Variants in SNX29 observed in about 807,000 individuals in gnomAD.
SNX29 encodes the protein sorting nexin 29.
SNX29 carries 78 observed loss-of-function variants against 102.1 expected under a neutral mutation model. That is an observed-to-expected ratio of 0.76 (90% CI 0.64 to 0.92). SNX29 has a LOEUF of 0.92. Among genes scored for constraint, SNX29 ranks in the 40% least tolerant of loss-of-function variants. The pLI is 0.00. For synonymous variants in SNX29, 580 were observed against 414.5 expected, an observed-to-expected ratio of 1.40 and a Z score of -4.85; for missense variants, 1,280 against 1,061.7, an observed-to-expected ratio of 1.21 and a Z score of -2.86.
intron 15 of SNX29, among the ~76,000 whole-genome samples, chr16:12,298,389 A>G (rs531971798): frequency 6.6e-6 from 1 of 152,266 alleles, no homozygotes; most frequent in Admixed American, 6.5e-5. Flanking sequence ...ACCTTCTTCA[A>G]GGTTTCATAC....
chr16:12,053,917 A>G (rs558748219), intron 8 of SNX29, among the ~76,000 whole-genome samples: 1 of 152,314 alleles, frequency 6.6e-6, no homozygotes, highest in South Asian at 2.1e-4. Context: ...GCCATTGGCT[A>G]AATTGAGATT....
intron 13 of SNX29, among the ~76,000 whole-genome samples, chr16:12,159,645 A>G (rs193281192): frequency 1.5e-3 from 222 of 152,328 alleles, no homozygotes; most frequent in African/African-American, 4.6e-3. Flanking sequence ...GAATCACTTG[A>G]GCCCAGAAGT....
chr16:12,441,516 T>C (rs1334283882), intron 18 of SNX29, among the ~76,000 whole-genome samples: 2 of 152,256 alleles, frequency 1.3e-5, no homozygotes, highest in Non-Finnish European at 2.9e-5. Context: ...TATGTAGCTA[T>C]GAACATTCCT....
At chr16:12,542,530 C>G (rs150238795) in intron 20 of SNX29, among the ~76,000 whole-genome samples, 53 of 152,332 alleles carry the variant, frequency 3.5e-4, no homozygotes, top group African/African-American at 1.2e-3. Context: ...CAGGGTTTCA[C>G]CACGTTGGCC....
chr16:12,322,932 G>C (rs2080992405), intron 15 of SNX29, among the ~76,000 whole-genome samples: 1 of 143,084 alleles, frequency 7.0e-6, no homozygotes, highest in Non-Finnish European at 1.5e-5. Context: ...GGGGACCACT[G>C]TCAGGATGCG....
chr16:12,505,818 T>C (rs971385943), intron 19 of SNX29, among the ~76,000 whole-genome samples: 22 of 149,294 alleles, frequency 1.5e-4, no homozygotes, highest in Middle Eastern at 7.1e-3. Flanking sequence ...TGACGTTGAA[T>C]CTGCCAGTCA....
chr16:12,566,323 A>ACC (rs1022975671), intron 20 of SNX29, among the ~76,000 whole-genome samples: 1 of 151,834 alleles, frequency 6.6e-6, no homozygotes, highest in Non-Finnish European at 1.5e-5. Context: ...TCCTCTCCCT[A>ACC]CCCCTTCATA....
At chr16:12,306,175 A>G (rs1459955323) in intron 15 of SNX29, among the ~76,000 whole-genome samples, 6 of 152,098 alleles carry the variant, frequency 3.9e-5, no homozygotes, top group African/African-American at 1.2e-4. Context: ...TTATTTTAGC[A>G]ATGGATTTCA....
intron 20 of SNX29, among the ~76,000 whole-genome samples, chr16:12,539,302 G>A (rs1225557005): frequency 1.3e-5 from 2 of 149,172 alleles, no homozygotes; most frequent in Non-Finnish European, 3.0e-5. Flanking sequence ...CTAAGCCCTT[G>A]TCCCTCCCCC....
rs2056340749 is a variant in SNX29, at chr16:12,002,982, T to C, written c.70-9T>C. ...ACAGCTGATCTCAGCAGCTTCTTTT[T>C]CTGTGCAGTGCCAGATCCGCTTTGG... On this transcript the variant is annotated splice_polypyrimidine_tract_variant and intron_variant, in intron 2 of 20. Transcript: ENST00000566228. 6.2e-7 allele frequency: 1 copy of C among 1,614,092 alleles called. No homozygotes were observed. The highest frequency in any genetic ancestry group is 1.1e-5 in the South Asian group (1 of 91,092).
intron 13 of SNX29, among the ~76,000 whole-genome samples, chr16:12,178,618 G>C (rs748193240): frequency 6.6e-6 from 1 of 152,204 alleles, no homozygotes; most frequent in Non-Finnish European, 1.5e-5. Context: ...TTTTGTATAG[G>C]AGATCAGAGA....
intron 18 of SNX29, among the ~76,000 whole-genome samples, chr16:12,438,340 C>T (rs535534417): frequency 9.2e-5 from 14 of 152,244 alleles, no homozygotes; most frequent in South Asian, 8.3e-4. Flanking sequence ...CTGGGTTCAG[C>T]GCTCTCCCCT....
chr16:12,526,771 C>T (rs1015957004), intron 20 of SNX29: 1 of 428,508 alleles, frequency 2.3e-6, no homozygotes, highest in South Asian at 2.1e-5. Context: ...ATCCGCAAGT[C>T]AGTGTCCCCC....
intron 20 of SNX29, among the ~76,000 whole-genome samples, chr16:12,549,671 A>AG (rs2077842197): frequency 6.6e-6 from 1 of 152,192 alleles, no homozygotes; most frequent in Admixed American, 6.5e-5. Flanking sequence ...GGCAGTCCCA[A>AG]GGCCCGGCAT....
intron 10 of SNX29, among the ~76,000 whole-genome samples, chr16:12,076,697 C>T (rs2051591763): frequency 6.6e-6 from 1 of 152,206 alleles, no homozygotes; most frequent in African/African-American, 2.4e-5. Context: ...ATGCCACTGC[C>T]ATCCTTGCTG....
chr16:12,274,250 C>A (rs1187793802), intron 14 of SNX29, among the ~76,000 whole-genome samples: 1 of 152,148 alleles, frequency 6.6e-6, no homozygotes, highest in South Asian at 2.1e-4. Context: ...TTCTAGCTTT[C>A]CATGTTGCTG....
At chr16:12,534,460 A>C (rs1458126305) in intron 20 of SNX29, among the ~76,000 whole-genome samples, 2 of 152,032 alleles carry the variant, frequency 1.3e-5, no homozygotes, top group Admixed American at 6.6e-5. Flanking sequence ...CAGATTAGGG[A>C]GGCTTTGGTT....
intron 15 of SNX29, among the ~76,000 whole-genome samples, chr16:12,344,540 A>G (rs4781206): frequency 0.55 from 83,033 of 151,494 alleles, 23,206 homozygotes; most frequent in Non-Finnish European, 0.59. Context: ...ATGAATGAAT[A>G]AATGAATGAA....
intron 20 of SNX29, chr16:12,546,315 A>C (rs977397107): frequency 1.3e-5 from 2 of 152,238 alleles, no homozygotes; most frequent in Admixed American, 1.3e-4. Flanking sequence ...AGACTGTGCA[A>C]TTTACAGAAA....
Sources: allele counts gnomAD v4.1 joint callset (sites outside exome capture counted in the v4.1 genomes callset), GRCh38; gene constraint gnomAD v4.1.1; transcripts MANE v1.5; gene names NCBI Gene and HGNC (gene_info 2026-07-23, HGNC 2026-07-21).